Variants in ZNF487 observed in about 807,000 individuals in gnomAD.
The protein encoded by ZNF487 is KRAB domain only 1.
A neutral mutation model predicts 3.0 loss-of-function variants in ZNF487; 4 were observed. The ratio of observed to expected loss-of-function variants is 1.35; its 90% CI spans 0.66 to 3.08. The LOEUF is 3.08. Ranked by LOEUF, ZNF487 falls within the 30% of genes most tolerant of loss-of-function variation. ZNF487 has a pLI of 0.01. For missense variants in ZNF487, 146 were observed against 98.7 expected, an observed-to-expected ratio of 1.48 and a Z score of -2.03; for synonymous variants, 55 against 34.6, an observed-to-expected ratio of 1.59 and a Z score of -2.06.
chr10:43,518,567 A>G, the ZNF487 span, among the ~76,000 whole-genome samples: 2 of 151,988 alleles, frequency 1.3e-5, no homozygotes, highest in Non-Finnish European at 2.9e-5. Flanking sequence ...CCCCTTATCT[A>G]TCAAGATTGA....
intron 1 of ZNF487, among the ~76,000 whole-genome samples, chr10:43,454,848 CACGT>C: frequency 6.7e-6 from 1 of 149,706 alleles, no homozygotes. Flanking sequence ...GCCAAGTCTT[CACGT>C]ACACATTGCT....
chr10:43,480,081 C>T (rs1369470287), intron 3 of ZNF487, among the ~76,000 whole-genome samples: 15 of 124,648 alleles, frequency 1.2e-4, no homozygotes, highest in African/African-American at 4.5e-4. Flanking sequence ...TCCTTCCTTC[C>T]TTCTTTCTTT....
chr10:43,478,445 C>T (rs776008208), intron 3 of ZNF487, among the ~76,000 whole-genome samples: 11 of 152,226 alleles, frequency 7.2e-5, no homozygotes, highest in Non-Finnish European at 1.2e-4. Flanking sequence ...TCCCGCTACT[C>T]GGGAGGCTGA....
the ZNF487 span, among the ~76,000 whole-genome samples, chr10:43,511,414 T>C: frequency 3.9e-5 from 6 of 152,158 alleles, no homozygotes; most frequent in Non-Finnish European, 8.8e-5. Flanking sequence ...CCACAGATGG[T>C]AGTCTTGGCA....
intron 1 of ZNF487, among the ~76,000 whole-genome samples, chr10:43,446,489 C>T (rs11525297): frequency 0.071 from 10,618 of 148,654 alleles, 514 homozygotes; most frequent in East Asian, 0.2. Context: ...GGGTGGTGGC[C>T]GGGCAGAGGC....
At chr10:43,522,877 T>C in the ZNF487 span, among the ~76,000 whole-genome samples, 35 of 152,350 alleles carry the variant, frequency 2.3e-4, no homozygotes, top group African/African-American at 6.3e-4. Flanking sequence ...CCGTCACCCC[T>C]CAAACACTAT....
the ZNF487 span, among the ~76,000 whole-genome samples, chr10:43,491,490 T>C: frequency 1.3e-5 from 2 of 151,572 alleles, no homozygotes; most frequent in African/African-American, 4.9e-5. Flanking sequence ...AGTCCTCAGC[T>C]TCATTACGGG....
downstream of ZNF487, among the ~76,000 whole-genome samples, chr10:43,485,269 T>C (rs1841462309): frequency 6.6e-6 from 1 of 152,148 alleles, no homozygotes; most frequent in Admixed American, 6.5e-5. Flanking sequence ...AACAGGAAAA[T>C]AGACAATAGC....
chr10:43,447,057 C>T (rs895253103), intron 1 of ZNF487, among the ~76,000 whole-genome samples: 2 of 151,534 alleles, frequency 1.3e-5, no homozygotes, highest in Non-Finnish European at 2.9e-5. Context: ...GGCGTGGCAG[C>T]GTGCCCCTAC....
chr10:43,509,411 A>C, the ZNF487 span, among the ~76,000 whole-genome samples: 3 of 150,592 alleles, frequency 2.0e-5, no homozygotes, highest in Non-Finnish European at 4.4e-5. Flanking sequence ...TTGCTATTGT[A>C]GATTTGGCTT....
chr10:43,472,707 C>T (rs941210185), intron 1 of ZNF487, among the ~76,000 whole-genome samples: 1 of 152,156 alleles, frequency 6.6e-6, no homozygotes, highest in African/African-American at 2.4e-5. Flanking sequence ...TCACTATGCT[C>T]CAGCTCGACT....
chr10:43,518,918 G>T, the ZNF487 span, among the ~76,000 whole-genome samples: 3 of 152,054 alleles, frequency 2.0e-5, no homozygotes, highest in African/African-American at 7.2e-5. Flanking sequence ...TTCTTCTTGG[G>T]TTTTAATTCT....
At chr10:43,489,875 A>G in the ZNF487 span, among the ~76,000 whole-genome samples, 5 of 152,238 alleles carry the variant, frequency 3.3e-5, no homozygotes, top group Non-Finnish European at 7.3e-5. Context: ...TGGAACAAGA[A>G]GAAAAATAGA....
At chr10:43,450,189 A>G (rs1164305546) in intron 1 of ZNF487, among the ~76,000 whole-genome samples, 3 of 152,076 alleles carry the variant, frequency 2.0e-5, no homozygotes, top group Admixed American at 2.0e-4. Flanking sequence ...GATTATTGGC[A>G]TGTGCCACCA....
At chr10:43,520,179 T>C in the ZNF487 span, among the ~76,000 whole-genome samples, 1 of 102,716 alleles carries the variant, frequency 9.7e-6, no homozygotes. Context: ...CCAGATTAAG[T>C]TCTTGACTAG....
chr10:43,447,324 C>A (rs187278967), intron 1 of ZNF487, among the ~76,000 whole-genome samples: 1 of 152,088 alleles, frequency 6.6e-6, no homozygotes, highest in African/African-American at 2.4e-5. Flanking sequence ...CTCACTGTAA[C>A]CTCCACCTCA....
At chr10:43,511,363 T>C in the ZNF487 span, among the ~76,000 whole-genome samples, 4 of 152,188 alleles carry the variant, frequency 2.6e-5, no homozygotes, top group African/African-American at 9.6e-5. Flanking sequence ...GAGGACGTGC[T>C]GTGTGGAATA....
chr10:43,455,550 G>A (rs1483648128), intron 1 of ZNF487, among the ~76,000 whole-genome samples: 1 of 152,238 alleles, frequency 6.6e-6, no homozygotes. Flanking sequence ...CTTCCCGGCT[G>A]GACGACGCAG....
Position 43,481,934 on chromosome 10 carries a change from A to G in ZNF487, c.*12A>G, listed in dbSNP as rs1175756218. ...GGGAGACCCTGTGAATATAATGAACATGTGAGAGCCTTTTCCGATAGACCA... is the reference window on the plus strand; with the variant it reads ...GGGAGACCCTGTGAATATAATGAACGTGTGAGAGCCTTTTCCGATAGACCA... On this transcript the variant is annotated 3_prime_UTR_variant, in exon 4 of 4. Transcript: ENST00000437590. 5 of 638,582 alleles carry G rather than the reference A, an allele frequency of 7.8e-6. No individual in the cohort carries two copies. Among genetic ancestry groups the G allele is most frequent in the Non-Finnish European group, 1.4e-5 (5 of 358,194 alleles). 39.6% of individuals were successfully genotyped at this position (638,582 alleles called of 1,614,324 possible). A position where few individuals can be genotyped will look rare whatever the true frequency, so the allele number is the denominator to read the frequency against.
Sources: gnomAD v4.1 joint callset for allele counts (sites outside exome capture counted in the v4.1 genomes callset) on GRCh38, gnomAD v4.1.1 for gene constraint, MANE v1.5 for transcripts, NCBI Gene and HGNC (gene_info 2026-07-23, HGNC 2026-07-21) for gene names.